Variants in PCDHGA1 observed in about 807,000 individuals in gnomAD.
PCDHGA1 encodes protocadherin gamma subfamily A, 1.
A neutral mutation model predicts 58.0 loss-of-function variants in PCDHGA1; 32 were observed. That is an observed-to-expected ratio of 0.55 (90% confidence interval 0.42 to 0.74). The LOEUF is 0.74. PCDHGA1 is among the 30% of genes least tolerant of loss of function. The pLI is 0.00. For missense variants in PCDHGA1, 1,205 were observed against 1,182.3 expected, an observed-to-expected ratio of 1.02 and a Z score of -0.28; for synonymous variants, 498 against 501.1, an observed-to-expected ratio of 0.99 and a Z score of 0.08.
At chr5:141,450,796 G>GTATT (rs1490825772) in intron 1 of PCDHGA1, among the ~76,000 whole-genome samples, 8 of 145,976 alleles carry the variant, frequency 5.5e-5, no homozygotes, top group African/African-American at 1.8e-4. Flanking sequence ...CCTCATGATT[G>GTATT]TATTTATTTA....
intron 2 of PCDHGA1, among the ~76,000 whole-genome samples, chr5:141,500,985 C>T (rs2099804537): frequency 6.6e-6 from 1 of 152,048 alleles, no homozygotes; most frequent in Non-Finnish European, 1.5e-5. Flanking sequence ...TCTCCTGCCT[C>T]AGCCTCCTGA....
Position 141,491,737 on chromosome 5 carries a change from G to C in PCDHGA1, c.2422-3070G>C, listed in dbSNP as rs548808722. 1.2e-6 allele frequency: 2 copies of C among 1,600,586 alleles called. No homozygotes were observed. The highest frequency in any genetic ancestry group is 2.7e-5 in the African/African-American group (2 of 74,486). On this transcript the variant is annotated intron_variant, in intron 1 of 3. Transcript: ENST00000517417. The surrounding 1 kb of genome is among the most constrained non-coding windows in gnomAD (Gnocchi z 6.9). ...GGCGCCGCCCCGGGCGACCCCTGGG[G>C]GCGGCACTGGAGAAGCCGCCCGTCC...
At chr5:141,333,255 C>A (rs1756456015) in intron 1 of PCDHGA1, 150 bp downstream of exon 1, 4 of 1,125,946 alleles carry the variant, frequency 3.6e-6, no homozygotes, top group South Asian at 1.5e-5. Flanking sequence ...ACGATTGAGT[C>A]TACACGTTCA....
At chr5:141,399,311 A>C in intron 1 of PCDHGA1, 1 of 1,613,970 alleles carries the variant, frequency 6.2e-7, no homozygotes, top group Non-Finnish European at 8.5e-7. Context: ...TCTTCATCCA[A>C]AAATTCGTAT....
intron 1 of PCDHGA1, chr5:141,399,459 C>A (rs897098728): frequency 6.2e-7 from 1 of 1,614,012 alleles, no homozygotes; most frequent in African/African-American, 1.3e-5. Flanking sequence ...TCAACGATAA[C>A]GCTCCGGTTT....
intron 1 of PCDHGA1, among the ~76,000 whole-genome samples, chr5:141,462,223 G>A (rs563764515): frequency 2.0e-5 from 3 of 152,144 alleles, no homozygotes; most frequent in Admixed American, 2.0e-4. Flanking sequence ...GCCTCCCAAA[G>A]TGCAGGGATT....
At chr5:141,371,198 CATGG>C in intron 1 of PCDHGA1, 3 of 1,614,008 alleles carry the variant, frequency 1.9e-6, no homozygotes, top group Non-Finnish European at 2.5e-6. Flanking sequence ...TGGCCATTGA[CATGG>C]ATGAGGGCAT....
intron 1 of PCDHGA1, among the ~76,000 whole-genome samples, chr5:141,347,786 C>CAAAAAA (rs1186221035): frequency 9.4e-6 from 1 of 106,298 alleles, no homozygotes. Context: ...GACTCCATCT[C>CAAAAAA]AAAAAAAAAA....
intron 1 of PCDHGA1, among the ~76,000 whole-genome samples, chr5:141,401,889 T>G (rs1259815955): frequency 3.3e-5 from 5 of 152,232 alleles, no homozygotes; most frequent in Non-Finnish European, 7.3e-5. Context: ...TATTTTGTGT[T>G]CTTTTTCCCA....
At chr5:141,340,290 T>A (rs1266581701) in intron 1 of PCDHGA1, 5 of 1,614,096 alleles carry the variant, frequency 3.1e-6, no homozygotes, top group Non-Finnish European at 4.2e-6. Flanking sequence ...CACATTTTGC[T>A]CCAGGTGGCA....
rs2099383865 is a variant in PCDHGA1, at chr5:141,476,005, A to G, written c.2422-18802A>G. 1 of 1,267,576 alleles carries G rather than the reference A, an allele frequency of 7.9e-7. No homozygotes were observed. Among genetic ancestry groups the G allele is most frequent in the East Asian group, 2.3e-5 (1 of 42,864 alleles). 78.5% of individuals were successfully genotyped at this position (1,267,576 alleles called of 1,614,324 possible). A position where few individuals can be genotyped will look rare whatever the true frequency, so the allele number is the denominator to read the frequency against. ...CGGCGAGCAAATCAACGGCATCCAG[A>G]AAGCCATGTCGGACTCGGCGCCCAG... On this transcript the variant is annotated intron_variant, in intron 1 of 3. Coordinates refer to ENST00000517417, the MANE Select transcript of PCDHGA1 (RefSeq NM_018912.3). This position sits in a 1 kb window ranked among gnomAD's most constrained non-coding sequence, Gnocchi z 7.6.
In PCDHGA1 at chr5:141,505,380, A is replaced by C; in HGVS notation, c.2481-13A>C. On this transcript the variant is annotated splice_polypyrimidine_tract_variant and intron_variant, in intron 2 of 3. Coordinates refer to ENST00000517417, the MANE Select transcript of PCDHGA1 (RefSeq NM_018912.3). ...CCTGGGAGTCTGTGCTCACCATCCT[A>C]CTCTCTCCCCAGCTCCCAAAATGGC... 1 of 1,613,480 alleles carries C rather than the reference A, an allele frequency of 6.2e-7. No homozygotes were observed. Among genetic ancestry groups the C allele is most frequent in the Non-Finnish European group, 8.5e-7 (1 of 1,179,856 alleles).
At chr5:141,395,468 C>T (rs909198422) in intron 1 of PCDHGA1, 2 of 569,714 alleles carry the variant, frequency 3.5e-6, no homozygotes, top group African/African-American at 3.8e-5. Flanking sequence ...TTAAGCCTTC[C>T]AGTATTTTAT....
In PCDHGA1 at chr5:141,490,294, T is replaced by C. The variant is rs766906839; in HGVS notation, c.2422-4513T>C. ...CAATGACAATGCCCCAGAGGTGCTA[T>C]TGGCCTCTTTGGCCAACCCTGTCCT... On this transcript the variant is annotated intron_variant, in intron 1 of 3. Transcript: ENST00000517417. This position sits in a 1 kb window ranked among gnomAD's most constrained non-coding sequence, Gnocchi z 5.4. The C allele has an allele frequency of 5.6e-6, 9 of 1,614,104 alleles. No individual in the cohort carries two copies. The East Asian group carries it at 1.3e-4, about 24-fold the overall frequency.
chr5:141,399,713 A>T, intron 1 of PCDHGA1: 1 of 1,613,326 alleles, frequency 6.2e-7, no homozygotes, highest in Non-Finnish European at 8.5e-7. Context: ...CTCACACTAC[A>T]GGCCCGCGAC....
chr5:141,344,926 G>GT, intron 1 of PCDHGA1: 1 of 1,613,900 alleles, frequency 6.2e-7, no homozygotes, highest in Non-Finnish European at 8.5e-7. Context: ...AACTCAGTGA[G>GT]TGGAGAAGTA....
At position 141,490,006 on chromosome 5, in the gene PCDHGA1, C is replaced by T; in HGVS notation, c.2422-4801C>T. The stretch of plus-strand genomic sequence containing the variant: ...ACGTGTGGGAATCCCAGAGAATGCA[C>T]CCATTGGTACTCTGCTGCTCCGCCT... On this transcript the variant is annotated intron_variant, in intron 1 of 3. Coordinates refer to ENST00000517417, the MANE Select transcript of PCDHGA1 (RefSeq NM_018912.3). This position sits in a 1 kb window ranked among gnomAD's most constrained non-coding sequence, Gnocchi z 5.4. 2 of 1,614,222 alleles carry T rather than the reference C, an allele frequency of 1.2e-6. No homozygotes were observed. The highest frequency in any genetic ancestry group is 1.7e-6 in the Non-Finnish European group (2 of 1,180,010).
Position 141,422,444 on chromosome 5 carries a change from T to TA in PCDHGA1, c.2422-72361dup, listed in dbSNP as rs1171104340. 1.9e-6 allele frequency: 3 copies of TA among 1,610,490 alleles called. No homozygotes were observed. The Admixed American group carries it at 5.1e-5, about 27-fold the overall frequency. ...ACTTATGGAAATTATTACAAATTGA[T>TA]AACAAGCAGAGTGCTGGACAGGGAG... On this transcript the variant is annotated intron_variant, in intron 1 of 3. Coordinates refer to ENST00000517417, the MANE Select transcript of PCDHGA1 (RefSeq NM_018912.3).
At chr5:141,499,025 G>A (rs561539084) in intron 2 of PCDHGA1, among the ~76,000 whole-genome samples, 4 of 140,712 alleles carry the variant, frequency 2.8e-5, no homozygotes, top group Admixed American at 1.4e-4. Context: ...AGGAAGGAAG[G>A]AAGAAAAGAA....
Sources: gnomAD v4.1 joint callset for allele counts (sites outside exome capture counted in the v4.1 genomes callset) on GRCh38, gnomAD v4.1.1 for gene constraint, Gnocchi (gnomAD v3.1) non-coding constraint, MANE v1.5 for transcripts, NCBI Gene and HGNC (gene_info 2026-07-23, HGNC 2026-07-21) for gene names.